ADAMTS20: variants seen among roughly 807,000 people sequenced by gnomAD.
ADAMTS20 encodes the protein A disintegrin and metalloproteinase with thrombospondin motifs 20.
In ADAMTS20, 225 loss-of-function variants were observed where a neutral mutation model predicts 260.1. That is an observed-to-expected ratio of 0.87 (90% CI 0.78 to 0.97). The LOEUF is 0.97. Ranked by LOEUF, ADAMTS20 falls within the 50% of genes least tolerant of loss-of-function variation. ADAMTS20 has a pLI of 0.00. For missense variants in ADAMTS20, 2,400 were observed against 2,337.7 expected, an observed-to-expected ratio of 1.03 and a Z score of -0.55; for synonymous variants, 802 against 769.5, an observed-to-expected ratio of 1.04 and a Z score of -0.70.
chr12:43,457,784 A>T (rs188141679), intron 11 of ADAMTS20, among the ~76,000 whole-genome samples: 1 of 152,320 alleles, frequency 6.6e-6, no homozygotes, highest in Non-Finnish European at 1.5e-5. Context: ...TCACTGAAAT[A>T]GCTAAGTAGA....
At chr12:43,368,242 C>T (rs868261702) in intron 37 of ADAMTS20, among the ~76,000 whole-genome samples, 41 of 151,992 alleles carry the variant, frequency 2.7e-4, no homozygotes, top group Middle Eastern at 3.2e-3. Context: ...TGTTTTGGAA[C>T]CTTACGATTA....
chr12:43,366,008 A>G (rs1267618853), intron 37 of ADAMTS20, among the ~76,000 whole-genome samples: 2 of 151,818 alleles, frequency 1.3e-5, no homozygotes, highest in African/African-American at 2.4e-5. Flanking sequence ...ATAGAAAACA[A>G]AAAGTAAAAT....
chr12:43,510,380 A>G (rs1414082920), intron 3 of ADAMTS20, among the ~76,000 whole-genome samples: 1 of 152,028 alleles, frequency 6.6e-6, no homozygotes, highest in East Asian at 1.9e-4. Context: ...TGTAATTTTA[A>G]ATTTAAATTA....
chr12:43,433,703 A>AAC (rs56226241), intron 19 of ADAMTS20: 137 of 358,068 alleles, frequency 3.8e-4, no homozygotes, highest in African/African-American at 1.8e-3. Flanking sequence ...TGCACACACA[A>AAC]ACACACACAC....
intron 3 of ADAMTS20, among the ~76,000 whole-genome samples, chr12:43,525,142 G>C (rs1279494733): frequency 6.6e-6 from 1 of 152,158 alleles, no homozygotes; most frequent in Non-Finnish European, 1.5e-5. Context: ...AAGCATCTGG[G>C]AACCTATAAA....
Position 43,452,146 on chromosome 12 carries a change from G to C in ADAMTS20, c.2079+128C>G, listed in dbSNP as rs1941874910. 12 of 952,780 alleles carry C rather than the reference G, an allele frequency of 1.3e-5. No individual in the cohort carries two copies. In the South Asian group the frequency reaches 2.2e-4, roughly 17 times the overall value. The allele number at this position is 952,780 out of a possible 1,614,324, so 59.0% of individuals were successfully genotyped here. A position where few individuals can be genotyped will look rare whatever the true frequency, so the allele number is the denominator to read the frequency against. On this transcript the variant is annotated intron_variant, in intron 14 of 38. Transcript: ENST00000389420. The stretch of plus-strand genomic sequence containing the variant: ...CTTCTATAGATAGCATGATAACAAA[G>C]GTTGCTTTGTTGGAATGCATAAGAA...
chr12:43,450,909 C>T (rs1941853314), intron 14 of ADAMTS20, among the ~76,000 whole-genome samples: 1 of 152,008 alleles, frequency 6.6e-6, no homozygotes, highest in Admixed American at 6.6e-5. Context: ...AATAGAACTA[C>T]CATATGATCC....
chr12:43,385,738 T>G (rs1940458709), intron 29 of ADAMTS20, among the ~76,000 whole-genome samples: 1 of 152,198 alleles, frequency 6.6e-6, no homozygotes, highest in Non-Finnish European at 1.5e-5. Flanking sequence ...TTGTTAAAGA[T>G]TTGGTCAAAG....
chr12:43,385,521 C>T (rs1452836994), intron 29 of ADAMTS20, among the ~76,000 whole-genome samples: 2 of 152,162 alleles, frequency 1.3e-5, no homozygotes, highest in South Asian at 2.1e-4. Context: ...GAAGTCTTTG[C>T]CCATGCCTAT....
chr12:43,432,215 A>T, intron 21 of ADAMTS20, 89 bp downstream of exon 21: 2 of 1,326,790 alleles, frequency 1.5e-6, no homozygotes, highest in Non-Finnish European at 2.0e-6. Flanking sequence ...AAATAAATTT[A>T]AGCACTTTTA....
intron 3 of ADAMTS20, among the ~76,000 whole-genome samples, chr12:43,531,313 T>A (rs1009326518): frequency 6.6e-6 from 1 of 151,548 alleles, no homozygotes; most frequent in East Asian, 1.9e-4. Context: ...GGTTCAGGAA[T>A]TTTTTTTTCA....
intron 3 of ADAMTS20, among the ~76,000 whole-genome samples, chr12:43,503,451 C>T (rs115201194): frequency 0.011 from 1,663 of 151,738 alleles, 24 homozygotes; most frequent in African/African-American, 0.037. Context: ...ATTTTAAGTA[C>T]GAATGTAATC....
At chr12:43,446,827 G>A in intron 14 of ADAMTS20, 115 bp from the exon 15 acceptor site, 1 of 801,186 alleles carries the variant, frequency 1.2e-6, no homozygotes, top group Admixed American at 2.1e-5. Flanking sequence ...TGACCCCACA[G>A]AAATATAGAT....
At chr12:43,550,784 C>G (rs1943500523) in intron 2 of ADAMTS20, 125 bp downstream of exon 2, 1 of 1,376,288 alleles carries the variant, frequency 7.3e-7, no homozygotes. Flanking sequence ...GGTGTTAATC[C>G]TTCTTGTAGC....
At position 43,496,239 on chromosome 12, in the gene ADAMTS20, T is replaced by C. The variant is rs557704928; in HGVS notation, c.868-2986A>G. 4.6e-5 allele frequency among the ~76,000 whole-genome samples: 7 copies of C among 152,340 alleles called. No homozygotes were observed. In the South Asian group the frequency reaches 1.0e-3, roughly 23 times the overall value. On this transcript the variant is annotated intron_variant, in intron 4 of 38. Transcript: ENST00000389420. ...TTAAATGTATTAATTCATTTAATTA[T>C]CACAACAAATCTTATGAGATAGGAA... is the stretch of plus-strand genomic sequence containing the variant.
intron 7 of ADAMTS20, among the ~76,000 whole-genome samples, chr12:43,479,177 A>T (rs1306271541): frequency 6.6e-6 from 1 of 152,236 alleles, no homozygotes; most frequent in Non-Finnish European, 1.5e-5. Context: ...GTCACTACAC[A>T]GTTGTAAAAG....
At chr12:43,369,757 C>T (rs1233224871) in intron 36 of ADAMTS20, among the ~76,000 whole-genome samples, 1 of 151,930 alleles carries the variant, frequency 6.6e-6, no homozygotes, top group Non-Finnish European at 1.5e-5. Context: ...AATGACAAAA[C>T]AATAAAATTG....
chr12:43,481,799 A>G (rs1215589571), intron 7 of ADAMTS20, among the ~76,000 whole-genome samples: 1 of 152,200 alleles, frequency 6.6e-6, no homozygotes, highest in South Asian at 2.1e-4. Context: ...GAAAGACAAA[A>G]TAGCGTGTGG....
At position 43,453,929 on chromosome 12, in the gene ADAMTS20, T is replaced by C. The variant is rs1023289558; in HGVS notation, c.1738A>G (p.Thr580Ala). 7 of 1,608,530 alleles carry C rather than the reference T, an allele frequency of 4.4e-6. No individual in the cohort carries two copies. The Admixed American group carries it at 1.0e-4, about 23-fold the overall frequency. ...TACTCAGGACGATTACAGCGCCTGG[T>C]TGCACTTTCGATTCCGCCTCCACAT... ...RTCGGGIESA[T>A]RRCNRPEPRN... Residue 580 changes from threonine (T) to alanine (A), a missense_variant, in exon 12 of 39, where the codon ACC becomes GCC. Thr to Ala is a moderately conservative substitution (Grantham distance 58). Transcript: ENST00000389420.
Sources: gnomAD v4.1 joint callset for allele counts (sites outside exome capture counted in the v4.1 genomes callset) on GRCh38, gnomAD v4.1.1 for gene constraint, MANE v1.5 for transcripts, NCBI Gene and HGNC (gene_info 2026-07-23, HGNC 2026-07-21) for gene names.